Variants in DSCAML1 observed in about 807,000 individuals in gnomAD.
DSCAML1 encodes DS cell adhesion molecule like 1.
A neutral mutation model predicts 200.5 loss-of-function variants in DSCAML1; 38 were observed. The ratio of observed to expected loss-of-function variants is 0.19; its 90% CI spans 0.15 to 0.25. DSCAML1 has a LOEUF of 0.25. Ranked by LOEUF, DSCAML1 falls within the 10% of genes least tolerant of loss-of-function variation. The pLI is 1.00. For synonymous variants in DSCAML1, 1,215 were observed against 1,165.0 expected (o/e 1.04, Z -0.87); for missense variants, 2,223 against 2,858.8 (o/e 0.78, Z 5.07).
intron 3 of DSCAML1, among the ~76,000 whole-genome samples, chr11:117,551,560 G>T (rs1056883058): frequency 6.6e-6 from 1 of 152,196 alleles, no homozygotes. Flanking sequence ...AGGGTAGAAA[G>T]GGAAGGGAAG....
chr11:117,671,442 C>G (rs199680420), intron 3 of DSCAML1, among the ~76,000 whole-genome samples: 1 of 152,212 alleles, frequency 6.6e-6, no homozygotes, highest in Non-Finnish European at 1.5e-5. Flanking sequence ...CTCCCAACAG[C>G]AGTCTGGGAT....
At chr11:117,760,152 A>G (rs11825655) in intron 3 of DSCAML1, among the ~76,000 whole-genome samples, 23,866 of 152,154 alleles carry the variant, frequency 0.16, 2,023 homozygotes, top group African/African-American at 0.21. Context: ...AACTTTGCAC[A>G]TGGTGTTGAA....
chr11:117,643,066 G>A (rs2052444420), intron 3 of DSCAML1, among the ~76,000 whole-genome samples: 1 of 152,146 alleles, frequency 6.6e-6, no homozygotes, highest in South Asian at 2.1e-4. Context: ...CTAGTTCTGA[G>A]TCTGAATTTA....
In DSCAML1 at chr11:117,437,232, A is replaced by C; in HGVS notation, c.4610T>G (p.Phe1537Cys). 1 of 1,614,202 alleles carries C rather than the reference A, an allele frequency of 6.2e-7. No homozygotes were observed. The highest frequency in any genetic ancestry group is 1.7e-5 in the Admixed American group (1 of 60,030). Residue 1537 changes from phenylalanine to cysteine, a missense_variant, in exon 26 of 33, where the codon TTT becomes TGT. Phe to Cys is a radical substitution (Grantham distance 205, BLOSUM62 -2). This residue lies in a region of DSCAML1 where 614 missense variants were observed against 739.1 expected (regional missense o/e 0.83). Transcript: ENST00000651296. The surrounding 1 kb of genome is among the most constrained non-coding windows in gnomAD (Gnocchi z 5.3). The stretch of plus-strand genomic sequence containing the variant: ...CGTGGCCTCTCGCAGTTCCGTCAGA[A>C]ACACCTCCCCGGAGCTGTTGGCCCG... The part of the protein sequence containing the change: ...GLRANSSGEV[F>C]LTELREATWY...
At position 117,780,207 on chromosome 11, in the gene DSCAML1, AAGAG is replaced by A. The variant is rs369747722; in HGVS notation, c.364+282_364+285del. The stretch of plus-strand genomic sequence containing the variant: ...AAAAAGAAAGAAAGAAAGAGAAAGA[AAGAG>A]AGAGAGAGAAAGAAAGAAAGGAAAG... On this transcript the variant is annotated intron_variant, in intron 2 of 32. Coordinates refer to ENST00000651296, the MANE Select transcript of DSCAML1 (RefSeq NM_020693.4). The surrounding 1 kb of genome is among the most constrained non-coding windows in gnomAD (Gnocchi z 4.8). Among the ~76,000 whole-genome samples, 30 of 60,738 alleles carry A rather than the reference AAGAG, an allele frequency of 4.9e-4. 2 individuals are homozygous for A. The highest frequency in any genetic ancestry group is 7.0e-3 in the Middle Eastern group (1 of 142). The allele number at this position is 60,738 out of a possible 152,430, so 39.8% of individuals were successfully genotyped here.
intron 1 of DSCAML1, among the ~76,000 whole-genome samples, chr11:117,808,994 C>G (rs543127922): frequency 6.6e-6 from 1 of 152,178 alleles, no homozygotes; most frequent in Admixed American, 6.5e-5. Context: ...GGTCAGTGAC[C>G]GAGCCAAGCT....
chr11:117,719,205 C>T (rs2054005145), intron 3 of DSCAML1, among the ~76,000 whole-genome samples: 1 of 152,156 alleles, frequency 6.6e-6, no homozygotes, highest in African/African-American at 2.4e-5. Context: ...GAGGCTGAGA[C>T]AGGCGGATCG....
chr11:117,694,790 G>A (rs146985393), intron 3 of DSCAML1, among the ~76,000 whole-genome samples: 453 of 152,390 alleles, frequency 3.0e-3, no homozygotes, highest in African/African-American at 0.011. Flanking sequence ...ATCTTGAACT[G>A]CCTGCTCTTT....
chr11:117,694,513 G>A (rs1452815862), intron 3 of DSCAML1, among the ~76,000 whole-genome samples: 1 of 152,136 alleles, frequency 6.6e-6, no homozygotes, highest in Non-Finnish European at 1.5e-5. Flanking sequence ...CCTACAATGT[G>A]CTATGCCCCC....
At chr11:117,568,487 C>A (rs2050793278) in intron 3 of DSCAML1, among the ~76,000 whole-genome samples, 1 of 152,102 alleles carries the variant, frequency 6.6e-6, no homozygotes, top group African/African-American at 2.4e-5. Context: ...ACTGTCTCAG[C>A]CCAAAATCTC....
intron 6 of DSCAML1, among the ~76,000 whole-genome samples, chr11:117,519,412 A>G (rs2049846196): frequency 6.6e-6 from 1 of 152,238 alleles, no homozygotes; most frequent in East Asian, 1.9e-4. Context: ...ACCTTGGACA[A>G]GACAATTAAC....
At chr11:117,794,859 C>G (rs950641014) in intron 1 of DSCAML1, among the ~76,000 whole-genome samples, 11 of 152,128 alleles carry the variant, frequency 7.2e-5, no homozygotes, top group Admixed American at 5.9e-4. Context: ...GGCGAGGCAC[C>G]CTGGCGCCCA....
chr11:117,725,345 G>T (rs539742645), intron 3 of DSCAML1, among the ~76,000 whole-genome samples: 1 of 152,086 alleles, frequency 6.6e-6, no homozygotes, highest in Non-Finnish European at 1.5e-5. Flanking sequence ...TTCACCTGCC[G>T]TCCATCCCTT....
At chr11:117,491,100 G>A (rs2049173427) in intron 11 of DSCAML1, among the ~76,000 whole-genome samples, 1 of 152,196 alleles carries the variant, frequency 6.6e-6, no homozygotes, top group African/African-American at 2.4e-5. Flanking sequence ...CAGTGTGTGT[G>A]GGAAGGAGGA....
intron 17 of DSCAML1, 45 bp from the exon 18 acceptor site, chr11:117,461,641 T>C (rs2048485711): frequency 1.9e-6 from 3 of 1,575,170 alleles, no homozygotes; most frequent in Non-Finnish European, 2.6e-6. Flanking sequence ...CAGTCATGGA[T>C]GTGAGTGACA....
At chr11:117,587,124 G>C (rs1565808525) in intron 3 of DSCAML1, among the ~76,000 whole-genome samples, 1 of 151,834 alleles carries the variant, frequency 6.6e-6, no homozygotes, top group East Asian at 1.9e-4. Context: ...TATTGCTGCT[G>C]CCCCCTCAGA....
At chr11:117,539,700 A>G (rs886562346) in intron 3 of DSCAML1, among the ~76,000 whole-genome samples, 2 of 151,924 alleles carry the variant, frequency 1.3e-5, no homozygotes, top group Admixed American at 1.3e-4. Flanking sequence ...TTCAAAAGTC[A>G]AGATTAAGTA....
At chr11:117,601,578 T>C (rs1437259344) in intron 3 of DSCAML1, among the ~76,000 whole-genome samples, 2 of 152,212 alleles carry the variant, frequency 1.3e-5, no homozygotes, top group Non-Finnish European at 2.9e-5. Context: ...ACTTAAACCA[T>C]GGATTCTGGT....
chr11:117,768,739 T>A (rs1179348783), intron 3 of DSCAML1, among the ~76,000 whole-genome samples: 1 of 152,168 alleles, frequency 6.6e-6, no homozygotes, highest in Non-Finnish European at 1.5e-5. Context: ...TGGAAGTAAC[T>A]TGCTCAAGGT....
Sources: gnomAD v4.1 joint callset for allele counts (sites outside exome capture counted in the v4.1 genomes callset) on GRCh38, gnomAD v4.1.1 for gene constraint, gnomAD v4.1.1 regional missense constraint, Gnocchi (gnomAD v3.1) non-coding constraint, MANE v1.5 for transcripts, NCBI Gene and HGNC (gene_info 2026-07-23, HGNC 2026-07-21) for gene names.